CDC42BPA: variants seen among roughly 807,000 people sequenced by gnomAD.
CDC42BPA encodes serine/threonine-protein kinase MRCK alpha.
In CDC42BPA, 80 loss-of-function variants were observed where a neutral mutation model predicts 223.5. The observed-to-expected ratio is 0.36, with a 90% CI of 0.30 to 0.43. The LOEUF is 0.43. CDC42BPA is among the 20% of genes least tolerant of loss of function. The probability of loss-of-function intolerance (pLI) is 1.00; values close to 1 mark genes in which losing one functional copy is unlikely to be tolerated. For synonymous variants in CDC42BPA, 694 were observed against 718.6 expected (o/e 0.97, Z 0.55); for missense variants, 1,743 against 2,099.9 (o/e 0.83, Z 3.32).
At chr1:227,071,865 G>T (rs1051911051) in intron 20 of CDC42BPA, among the ~76,000 whole-genome samples, 6 of 151,426 alleles carry the variant, frequency 4.0e-5, no homozygotes, top group African/African-American at 1.5e-4. Context: ...ATATTATAAA[G>T]TACATTATAA....
At chr1:227,162,097 C>G (rs918769965) in intron 5 of CDC42BPA, among the ~76,000 whole-genome samples, 6 of 152,066 alleles carry the variant, frequency 3.9e-5, no homozygotes, top group Admixed American at 6.6e-5. Flanking sequence ...CGAATTACTT[C>G]TACTGGTATA....
chr1:227,090,742 C>A (rs558700631), intron 16 of CDC42BPA, among the ~76,000 whole-genome samples: 3 of 152,066 alleles, frequency 2.0e-5, no homozygotes, highest in African/African-American at 7.2e-5. Context: ...ACCCAGGAGG[C>A]GGAAGTTGCA....
intron 11 of CDC42BPA, among the ~76,000 whole-genome samples, chr1:227,124,393 G>T (rs1264357656): frequency 6.6e-6 from 1 of 151,848 alleles, no homozygotes; most frequent in Non-Finnish European, 1.5e-5. Flanking sequence ...TTTCTTTGGA[G>T]GTATATTTTT....
At chr1:227,125,813 C>G (rs1053072756) in intron 11 of CDC42BPA, among the ~76,000 whole-genome samples, 1 of 151,906 alleles carries the variant, frequency 6.6e-6, no homozygotes, top group African/African-American at 2.4e-5. Flanking sequence ...ATAAGTGGAT[C>G]CACACAGTTC....
At chr1:227,091,709 G>A (rs1683108878) in intron 16 of CDC42BPA, among the ~76,000 whole-genome samples, 177 bp downstream of exon 16, 1 of 152,158 alleles carries the variant, frequency 6.6e-6, no homozygotes, top group South Asian at 2.1e-4. Context: ...TCTCTCTTCA[G>A]AAGACTCCTA....
Position 227,066,407 on chromosome 1 carries a change from A to T in CDC42BPA, c.2904+3370T>A, listed in dbSNP as rs531341067. 1.6e-4 allele frequency among the ~76,000 whole-genome samples: 23 copies of T among 146,296 alleles called. 1 individual carries two copies. The highest frequency in any genetic ancestry group is 4.0e-4 in the Admixed American group (6 of 14,926). ...CTGTCTCAAAAAAAAAAACAAAAAC[A>T]AAAACAAAAAAAGAATCCAAGTTCC... On this transcript the variant is annotated intron_variant, in intron 21 of 36. Coordinates refer to ENST00000366766, the MANE Select transcript of CDC42BPA (RefSeq NM_001394014.1).
At chr1:227,070,928 T>G (rs1474743550) in intron 20 of CDC42BPA, among the ~76,000 whole-genome samples, 4 of 151,884 alleles carry the variant, frequency 2.6e-5, no homozygotes, top group Non-Finnish European at 4.4e-5. Context: ...CACTAGTCTC[T>G]CTCCTATTTG....
chr1:227,160,783 C>A (rs138905506), intron 5 of CDC42BPA, 147 bp from the exon 6 acceptor site: 12 of 552,744 alleles, frequency 2.2e-5, no homozygotes, highest in African/African-American at 2.1e-4. Flanking sequence ...TAATTCAAAT[C>A]CTGGTTCTGA....
At chr1:227,302,611 T>C (rs1558995444) in intron 1 of CDC42BPA, among the ~76,000 whole-genome samples, 4 of 152,198 alleles carry the variant, frequency 2.6e-5, no homozygotes, top group Admixed American at 2.6e-4. Context: ...TCTATTTTCA[T>C]CCACTGACCT....
chr1:227,056,148 A>AT (rs1390072867), intron 21 of CDC42BPA, among the ~76,000 whole-genome samples: 5 of 152,172 alleles, frequency 3.3e-5, no homozygotes, highest in Admixed American at 6.5e-5. Context: ...AATAATAAAA[A>AT]TAACTAAAAC....
chr1:226,996,163 GGAAC>G (rs1436946809), intron 35 of CDC42BPA, among the ~76,000 whole-genome samples: 1 of 152,180 alleles, frequency 6.6e-6, no homozygotes, highest in Admixed American at 6.5e-5. Context: ...CCTCGACACT[GGAAC>G]TGACTGACTG....
At chr1:227,284,743 T>C (rs928191926) in intron 1 of CDC42BPA, among the ~76,000 whole-genome samples, 3 of 152,064 alleles carry the variant, frequency 2.0e-5, no homozygotes, top group African/African-American at 7.2e-5. Context: ...GGTGGATCAC[T>C]TGAGCTCAGG....
chr1:227,264,628 A>G (rs1684669453), intron 1 of CDC42BPA: 1 of 499,384 alleles, frequency 2.0e-6, no homozygotes, highest in Non-Finnish European at 3.6e-6. Flanking sequence ...AGTTAAGAGT[A>G]TACATTAATT....
intron 10 of CDC42BPA, among the ~76,000 whole-genome samples, 186 bp from the exon 11 acceptor site, chr1:227,129,417 C>A (rs1558562822): frequency 6.6e-6 from 1 of 151,760 alleles, no homozygotes; most frequent in Non-Finnish European, 1.5e-5. Flanking sequence ...ATGGTAATCC[C>A]AGCACTTTGG....
intron 19 of CDC42BPA, 109 bp from the exon 20 acceptor site, chr1:227,072,408 T>C (rs778303330): frequency 1.4e-4 from 88 of 631,816 alleles, no homozygotes; most frequent in Non-Finnish European, 2.1e-4. Flanking sequence ...CATGGTAAAT[T>C]AGGGGACTAT....
chr1:227,109,085 T>A (rs1437819946), intron 14 of CDC42BPA, among the ~76,000 whole-genome samples: 1 of 152,268 alleles, frequency 6.6e-6, no homozygotes, highest in East Asian at 1.9e-4. Flanking sequence ...TAAAAAATGG[T>A]ATGTCATATA....
intron 3 of CDC42BPA, among the ~76,000 whole-genome samples, chr1:227,205,283 A>AAAAAAAAT (rs1376021292): frequency 3.3e-5 from 4 of 122,778 alleles, no homozygotes; most frequent in African/African-American, 1.3e-4. Context: ...AAAAAAAAAA[A>AAAAAAAAT]ATATATATAT....
At chr1:227,060,914 G>T (rs1197343528) in intron 21 of CDC42BPA, among the ~76,000 whole-genome samples, 1 of 151,818 alleles carries the variant, frequency 6.6e-6, no homozygotes, top group Non-Finnish European at 1.5e-5. Flanking sequence ...TAGAGATGGG[G>T]TTTCACCATG....
chr1:227,145,771 C>T (rs1344462540), intron 7 of CDC42BPA, 34 bp from the exon 8 acceptor site: 1 of 1,554,058 alleles, frequency 6.4e-7, no homozygotes, highest in Non-Finnish European at 8.8e-7. Flanking sequence ...AAATATAAAT[C>T]AGTGTTTAAC....
Sources: gnomAD v4.1 joint callset for allele counts (sites outside exome capture counted in the v4.1 genomes callset) on GRCh38, gnomAD v4.1.1 for gene constraint, MANE v1.5 for transcripts, NCBI Gene and HGNC (gene_info 2026-07-23, HGNC 2026-07-21) for gene names.